USP54: variants seen among roughly 807,000 people sequenced by gnomAD.
USP54 encodes ubiquitin specific peptidase 54, also known as ubiquitin carboxyl-terminal hydrolase 54.
USP54 carries 87 observed loss-of-function variants against 170.5 expected under a neutral mutation model. That is an observed-to-expected ratio of 0.51 (90% CI 0.43 to 0.61). The LOEUF (loss-of-function observed/expected upper bound fraction) is 0.61. Ranked by LOEUF, USP54 falls within the 20% of genes least tolerant of loss-of-function variation. The pLI, the probability that USP54 is intolerant of heterozygous loss-of-function variation, is 0.00. For missense variants in USP54, 1,786 were observed against 2,047.8 expected, an observed-to-expected ratio of 0.87 and a Z score of 2.47; for synonymous variants, 655 against 742.8, an observed-to-expected ratio of 0.88 and a Z score of 1.92.
chr10:73,565,827 T>G (rs891601936), intron 4 of USP54, among the ~76,000 whole-genome samples: 1 of 152,198 alleles, frequency 6.6e-6, no homozygotes. Flanking sequence ...ATACTCTTCA[T>G]AAAAATAAAA....
In USP54 at chr10:73,617,433, G is replaced by A. The variant is rs190724970; in HGVS notation, c.-18+8134C>T. On this transcript the variant is annotated intron_variant, in intron 1 of 22. Transcript: ENST00000339859. ...ATCATGCCATTGCACTCCAGCCTGG[G>A]CAACAGAGAGAGACTCTGTCTAAAA... 3.6e-4 allele frequency among the ~76,000 whole-genome samples: 53 copies of A among 148,452 alleles called. 6 individuals carry two copies. The highest frequency in any genetic ancestry group is 1.4e-3 in the African/African-American group (52 of 38,362).
chr10:73,589,680 G>C (rs1331854811), intron 1 of USP54, among the ~76,000 whole-genome samples: 2 of 152,122 alleles, frequency 1.3e-5, no homozygotes, highest in African/African-American at 4.8e-5. Context: ...GAAAAAAGGA[G>C]GGGAAGCAAA....
At position 73,517,645 on chromosome 10, in the gene USP54, A is replaced by C; in HGVS notation, c.2781T>G (p.Ala927=). 6.2e-7 allele frequency: 1 copy of C among 1,614,204 alleles called. No individual in the cohort carries two copies. Among genetic ancestry groups the C allele is most frequent in the Non-Finnish European group, 8.5e-7 (1 of 1,180,030 alleles). The change falls in exon 20 of 24, where the codon GCT becomes GCG. Residue 927 remains alanine, a synonymous_variant. Coordinates refer to ENST00000687698, the MANE Select transcript of USP54 (RefSeq NM_001391956.1). ...GTGATGAGTGTGACTCATGGCAGGAAGCAGGTGAATGGAAGAAAGAACTGG... is the reference window on the plus strand; with the variant it reads ...GTGATGAGTGTGACTCATGGCAGGACGCAGGTGAATGGAAGAAAGAACTGG... ...FGASSFFHSP[A]SCHESHSSLS... is the part of the protein sequence containing the mutation.
intron 4 of USP54, among the ~76,000 whole-genome samples, chr10:73,558,596 A>G (rs1021586693): frequency 1.3e-5 from 2 of 152,188 alleles, no homozygotes; most frequent in Non-Finnish European, 2.9e-5. Context: ...CATCAGACTA[A>G]GGGAAAGTTG....
At chr10:73,539,620 C>T in intron 9 of USP54, 27 bp from the exon 10 acceptor site, 3 of 1,565,006 alleles carry the variant, frequency 1.9e-6, no homozygotes, top group East Asian at 2.3e-5. Context: ...GAAAAGAAAG[C>T]ACAGTCACAT....
intron 4 of USP54, among the ~76,000 whole-genome samples, chr10:73,566,734 A>AAAAC (rs370832873): frequency 0.035 from 5,333 of 152,160 alleles, 152 homozygotes; most frequent in South Asian, 0.11. Flanking sequence ...CTGTCTCAAA[A>AAAAC]AAACAAACAA....
At chr10:73,520,052 G>C in intron 18 of USP54, 60 bp from the exon 19 acceptor site, 1 of 1,527,692 alleles carries the variant, frequency 6.5e-7, no homozygotes, top group Middle Eastern at 1.8e-4. Flanking sequence ...AAAATAAAAA[G>C]AATAAAATTG....
chr10:73,534,829 A>T, intron 11 of USP54, 59 bp from the exon 12 acceptor site: 11 of 1,530,530 alleles, frequency 7.2e-6, no homozygotes, highest in Non-Finnish European at 9.8e-6. Flanking sequence ...TAGCAAAGAG[A>T]AGGAAAAGAG....
chr10:73,586,068 C>T (rs2077453119), intron 1 of USP54, among the ~76,000 whole-genome samples: 2 of 152,034 alleles, frequency 1.3e-5, no homozygotes, highest in African/African-American at 2.4e-5. Context: ...CTGGCACCAG[C>T]GTAAAGTTTG....
In USP54 at chr10:73,539,561, C is replaced by G. The variant is rs773794455; in HGVS notation, c.858G>C (p.Lys286Asn). 42 of 1,608,210 alleles carry G rather than the reference C, an allele frequency of 2.6e-5. No individual in the cohort carries two copies. In the Admixed American group the frequency reaches 7.0e-4, roughly 27 times the overall value. The change falls in exon 10 of 24, where the codon AAG (lysine) becomes AAC (asparagine). Residue 286 changes from lysine to asparagine, a missense_variant. Lys to Asn is a moderately conservative substitution (Grantham distance 94, BLOSUM62 0). Transcript: ENST00000687698. The part of the protein sequence containing the change: ...LFFRVTDDRA[K>N]QSELYLVGMI... ...TTCCAACTAAGTACAGTTCAGATTG[C>G]TTGGCCCGGTCATCCGTCACTCTGA...
At chr10:73,555,574 C>T (rs1478212443) in intron 4 of USP54, among the ~76,000 whole-genome samples, 3 of 152,072 alleles carry the variant, frequency 2.0e-5, no homozygotes, top group Admixed American at 2.0e-4. Flanking sequence ...GCCAAATTCG[C>T]CACAGAAAGG....
chr10:73,579,227 AG>A (rs2076546054), intron 1 of USP54, among the ~76,000 whole-genome samples: 1 of 152,134 alleles, frequency 6.6e-6, no homozygotes, highest in Admixed American at 6.5e-5. Context: ...CTGGGATTAC[AG>A]GTGTGAGCCA....
At position 73,498,630 on chromosome 10, in the gene USP54, T is replaced by C; in HGVS notation, c.5054A>G (p.Ter1685=). The change falls in exon 24 of 24, where the codon TAA becomes TGA. Residue 1685 remains the stop codon, a stop_retained_variant. Transcript: ENST00000687698. ...RARVLQHSQW[*] is the part of the protein sequence containing the mutation. ...TCCAGGAAAGGAAAGGAATAACCTTTACCATTGACTGTGCTGCAGGACTCT... is the reference window on the plus strand; with the variant it reads ...TCCAGGAAAGGAAAGGAATAACCTTCACCATTGACTGTGCTGCAGGACTCT... 6.5e-7 allele frequency: 1 copy of C among 1,527,636 alleles called. No individual in the cohort carries two copies. Among genetic ancestry groups the C allele is most frequent in the Non-Finnish European group, 8.8e-7 (1 of 1,137,782 alleles). 94.6% of individuals were successfully genotyped at this position (1,527,636 alleles called of 1,614,324 possible). A position where few individuals can be genotyped will look rare whatever the true frequency, so the allele number is the denominator to read the frequency against.
rs945752651 is a variant in USP54, at chr10:73,508,972, G to GTTTTTT, written c.4052-3552_4052-3547dup. Among the ~76,000 whole-genome samples the GTTTTTT allele has an allele frequency of 1.8e-3, 243 of 133,550 alleles. 3 individuals are homozygous for GTTTTTT. The highest frequency in any genetic ancestry group is 6.3e-3 in the African/African-American group (228 of 35,998). 87.6% of individuals were successfully genotyped at this position (133,550 alleles called of 152,430 possible). A position where few individuals can be genotyped will look rare whatever the true frequency, so the allele number is the denominator to read the frequency against. On this transcript the variant is annotated intron_variant, in intron 20 of 23. Coordinates refer to ENST00000687698, the MANE Select transcript of USP54 (RefSeq NM_001391956.1). ...GAGCCAGTGCACCCGGCCAGAACAT[G>GTTTTTT]TTTTTTTTTTTTTTTTCTTAAGGAC... is the stretch of plus-strand genomic sequence containing the variant.
chr10:73,517,902 G>A (rs1255634624), intron 19 of USP54, among the ~76,000 whole-genome samples, 155 bp from the exon 20 acceptor site: 1 of 152,146 alleles, frequency 6.6e-6, no homozygotes, highest in Admixed American at 6.5e-5. Flanking sequence ...GTAGTTCAGA[G>A]GATCACAAAA....
intron 12 of USP54, among the ~76,000 whole-genome samples, chr10:73,532,618 C>G (rs2133418932): frequency 6.6e-6 from 1 of 152,270 alleles, no homozygotes; most frequent in African/African-American, 2.4e-5. Context: ...CTAAAAAACT[C>G]ACACCTGACA....
At chr10:73,569,237 C>T (rs908415325) in intron 4 of USP54, among the ~76,000 whole-genome samples, 2 of 152,106 alleles carry the variant, frequency 1.3e-5, no homozygotes, top group Non-Finnish European at 2.9e-5. Flanking sequence ...TTCTCCCTAG[C>T]ATGGCTCTAA....
chr10:73,544,125 T>C (rs1448929838), intron 5 of USP54, among the ~76,000 whole-genome samples: 2 of 152,112 alleles, frequency 1.3e-5, no homozygotes, highest in African/African-American at 4.8e-5. Context: ...GTGTTTTTAA[T>C]AGAGACGGCG....
chr10:73,620,482 CTTT>C (rs770755452), intron 1 of USP54, among the ~76,000 whole-genome samples: 2 of 126,172 alleles, frequency 1.6e-5, no homozygotes, highest in Non-Finnish European at 1.7e-5. Context: ...TCTGGGGATT[CTTT>C]TTTTTTTTTT....
Sources: gnomAD v4.1 joint callset for allele counts (sites outside exome capture counted in the v4.1 genomes callset) on GRCh38, gnomAD v4.1.1 for gene constraint, MANE v1.5 for transcripts, NCBI Gene and HGNC (gene_info 2026-07-23, HGNC 2026-07-21) for gene names.